Variants in INTS8 observed in about 807,000 individuals in gnomAD.
INTS8 encodes integrator complex subunit 8.
A neutral mutation model predicts 138.9 loss-of-function variants in INTS8; 47 were observed. The observed-to-expected ratio is 0.34, with a 90% confidence interval of 0.27 to 0.43. INTS8 has a LOEUF of 0.43. Ranked by LOEUF, INTS8 falls within the 20% of genes least tolerant of loss-of-function variation. INTS8 has a pLI of 1.00. For missense variants in INTS8, 996 were observed against 1,173.0 expected (o/e 0.85, Z 2.20); for synonymous variants, 392 against 400.9 (o/e 0.98, Z 0.27).
chr8:94,850,515 G>A (rs892983124), intron 12 of INTS8, among the ~76,000 whole-genome samples: 7 of 151,700 alleles, frequency 4.6e-5, no homozygotes, highest in African/African-American at 7.3e-5. Context: ...TGGAGGCTGA[G>A]GTAGGAGAAT....
At chr8:94,869,922 C>T (rs575194526) in intron 20 of INTS8, among the ~76,000 whole-genome samples, 10 of 152,320 alleles carry the variant, frequency 6.6e-5, no homozygotes, top group Non-Finnish European at 1.3e-4. Context: ...GTCAGACTCA[C>T]GGGGTTTGAG....
chr8:94,827,129 C>A, intron 2 of INTS8, 134 bp from the exon 3 acceptor site: 1 of 781,776 alleles, frequency 1.3e-6, no homozygotes, highest in Non-Finnish European at 2.0e-6. Flanking sequence ...AAAACTTTTT[C>A]ACATTTGATA....
At chr8:94,833,144 C>T (rs2131000811) in intron 6 of INTS8, among the ~76,000 whole-genome samples, 1 of 152,138 alleles carries the variant, frequency 6.6e-6, no homozygotes, top group South Asian at 2.1e-4. Context: ...ATTGTACCTT[C>T]TAAACTGTAT....
chr8:94,834,110 C>T (rs564332881), intron 6 of INTS8, among the ~76,000 whole-genome samples: 2 of 152,114 alleles, frequency 1.3e-5, no homozygotes, highest in Non-Finnish European at 2.9e-5. Context: ...TTACCTTAGA[C>T]TTAAAAAGAA....
chr8:94,829,489 C>T (rs1801540145), intron 5 of INTS8, among the ~76,000 whole-genome samples: 2 of 152,216 alleles, frequency 1.3e-5, no homozygotes, highest in South Asian at 2.1e-4. Flanking sequence ...ATAATGCGAG[C>T]GATGGGGAGC....
intron 3 of INTS8, 58 bp from the exon 4 acceptor site, chr8:94,827,664 A>C (rs923690253): frequency 7.0e-7 from 1 of 1,425,740 alleles, no homozygotes; most frequent in Non-Finnish European, 9.9e-7. Flanking sequence ...TACTTGAAAA[A>C]ATAATTGAGA....
intron 6 of INTS8, among the ~76,000 whole-genome samples, chr8:94,832,634 T>G (rs1057061203): frequency 2.0e-5 from 3 of 152,146 alleles, no homozygotes; most frequent in African/African-American, 7.2e-5. Context: ...TTGATGCTTA[T>G]TGTCAGGTAT....
chr8:94,851,254 T>C (rs533225167), intron 12 of INTS8, among the ~76,000 whole-genome samples: 64 of 152,346 alleles, frequency 4.2e-4, no homozygotes, highest in African/African-American at 1.5e-3. Flanking sequence ...AAGTTAATTA[T>C]TTTCATATAT....
chr8:94,843,960 G>A (rs925748291), intron 10 of INTS8, among the ~76,000 whole-genome samples: 22 of 148,434 alleles, frequency 1.5e-4, no homozygotes, highest in African/African-American at 5.4e-4. Context: ...TTTACTCATG[G>A]ATTTTGTTTT....
rs184988622 is a variant in INTS8 at position 94,829,033 on chromosome 8, A to G, written c.570+7A>G. ...AGAAAACATTTTGAAAGTGGTAAGTATTGGCATCAGTTACACAGTAACACT... is the reference window on the plus strand; with the variant it reads ...AGAAAACATTTTGAAAGTGGTAAGTGTTGGCATCAGTTACACAGTAACACT... On this transcript the variant is annotated splice_region_variant and intron_variant, in intron 5 of 26. Transcript: ENST00000523731. The G allele has an allele frequency of 3.2e-5, 51 of 1,592,832 alleles. No homozygotes were observed. The highest frequency in any genetic ancestry group is 4.4e-5 in the Non-Finnish European group (51 of 1,165,240).
chr8:94,856,888 A>G lies in INTS8; in HGVS notation c.1864A>G (p.Thr622Ala), dbSNP rs2131042339. 6.2e-7 allele frequency: 1 copy of G among 1,614,108 alleles called. No homozygotes were observed. Among genetic ancestry groups the G allele is most frequent in the Non-Finnish European group, 8.5e-7 (1 of 1,180,020 alleles). The change falls in exon 15 of 27, where the codon ACA (threonine) becomes GCA (alanine). Residue 622 changes from threonine (T) to alanine (A), a missense_variant. By Grantham distance (58) the Thr-to-Ala change is moderately conservative. Coordinates refer to ENST00000523731, the MANE Select transcript of INTS8 (RefSeq NM_017864.4). ...TGAGATGTTGCTTTTGGATATTCAT[A>G]CACACGAAGCTGGGACAGGGCAGGC... ...LNEMLLLDIH[T>A]HEAGTGQAGE...
chr8:94,875,639 C>T (rs1816541599), intron 23 of INTS8, among the ~76,000 whole-genome samples: 3 of 152,128 alleles, frequency 2.0e-5, no homozygotes, highest in Non-Finnish European at 1.5e-5. Flanking sequence ...TTAATAAAAA[C>T]TATTTTTTAA....
chr8:94,876,141 A>C lies in INTS8; in HGVS notation c.2756A>C (p.Gln919Pro), dbSNP rs749315203. 1.2e-6 allele frequency: 2 copies of C among 1,610,478 alleles called. No homozygotes were observed. The highest frequency in any genetic ancestry group is 4.5e-5 in the East Asian group (2 of 44,752). Residue 919 changes from glutamine to proline, a missense_variant, in exon 24 of 27, where the codon CAA (glutamine) becomes CCA (proline). Gln to Pro is a moderately conservative substitution (Grantham distance 76). Transcript: ENST00000523731. Reference protein sequence around the residue: ...YKTAFKSLQEQNSHDAMDSYY... With the variant: ...YKTAFKSLQEPNSHDAMDSYY... The stretch of plus-strand genomic sequence containing the variant: ...ACAGCGTTTAAATCTCTGCAAGAAC[A>C]AAACAGGTATGAATAATATTTTAAA...
chr8:94,826,139 G>C (rs993647518), intron 2 of INTS8, among the ~76,000 whole-genome samples: 1 of 152,214 alleles, frequency 6.6e-6, no homozygotes, highest in South Asian at 2.1e-4. Flanking sequence ...TCCTTAAATT[G>C]CTGGATCGTG....
intron 16 of INTS8, among the ~76,000 whole-genome samples, chr8:94,865,124 A>G (rs1252116134): frequency 6.6e-6 from 1 of 151,888 alleles, no homozygotes; most frequent in Non-Finnish European, 1.5e-5. Context: ...CACAGTTAAC[A>G]TCTTGGTGTA....
intron 10 of INTS8, 90 bp downstream of exon 10, chr8:94,842,578 C>A: frequency 9.4e-7 from 1 of 1,062,558 alleles, no homozygotes; most frequent in Non-Finnish European, 1.3e-6. Context: ...TTCCTTTTTT[C>A]CTGTCTGCCT....
intron 20 of INTS8, among the ~76,000 whole-genome samples, chr8:94,869,869 T>C (rs1816328759): frequency 6.6e-6 from 1 of 152,098 alleles, no homozygotes; most frequent in African/African-American, 2.4e-5. Flanking sequence ...TTCCAGCGTG[T>C]TTGTAAATGA....
intron 14 of INTS8, 90 bp downstream of exon 14, chr8:94,854,005 G>A (rs1283886311): frequency 6.7e-6 from 5 of 742,144 alleles, no homozygotes; most frequent in Non-Finnish European, 1.2e-5. Flanking sequence ...CACTTTGGGA[G>A]TCTGAGGTGG....
intron 26 of INTS8, among the ~76,000 whole-genome samples, chr8:94,877,307 T>C (rs767055979): frequency 1.3e-5 from 2 of 152,210 alleles, no homozygotes; most frequent in African/African-American, 2.4e-5. Flanking sequence ...TTTAAAAAAA[T>C]GCTATTTATT....
Sources: gnomAD v4.1 joint callset for allele counts (sites outside exome capture counted in the v4.1 genomes callset) on GRCh38, gnomAD v4.1.1 for gene constraint, MANE v1.5 for transcripts, NCBI Gene and HGNC (gene_info 2026-07-23, HGNC 2026-07-21) for gene names.